Variants in SDHC observed in about 807,000 individuals in gnomAD.
The protein encoded by SDHC is succinate dehydrogenase cytochrome b560 subunit, mitochondrial.
A neutral mutation model predicts 22.6 loss-of-function variants in SDHC; 11 were observed. The ratio of observed to expected loss-of-function variants is 0.49; its 90% CI spans 0.31 to 0.81. The LOEUF is 0.81. Ranked by LOEUF, SDHC falls within the 30% of genes least tolerant of loss-of-function variation. The pLI, the probability that SDHC is intolerant of heterozygous loss-of-function variation, is 0.05. For synonymous variants in SDHC, 80 were observed against 77.8 expected, an observed-to-expected ratio of 1.03 and a Z score of -0.15; for missense variants, 160 against 212.0, an observed-to-expected ratio of 0.75 and a Z score of 1.52.
intron 4 of SDHC, among the ~76,000 whole-genome samples, chr1:161,353,067 T>A (rs888218348): frequency 1.3e-5 from 2 of 152,244 alleles, no homozygotes. Context: ...AGAGGCAGTC[T>A]TCTCTTTTTG....
intron 1 of SDHC, among the ~76,000 whole-genome samples, chr1:161,316,187 A>G (rs1387261758): frequency 2.0e-5 from 3 of 151,824 alleles, no homozygotes; most frequent in Non-Finnish European, 4.4e-5. Flanking sequence ...AACTGCAAAG[A>G]GGCGTTCCTT....
chr1:161,333,400 A>C (rs75100310), intron 3 of SDHC, among the ~76,000 whole-genome samples: 11,262 of 140,180 alleles, frequency 0.08, 475 homozygotes, highest in East Asian at 0.17. Context: ...TCTATGTTTA[A>C]CTTTTTTTTT....
intron 3 of SDHC, among the ~76,000 whole-genome samples, chr1:161,336,777 G>T (rs2102326669): frequency 6.6e-6 from 1 of 152,280 alleles, no homozygotes; most frequent in South Asian, 2.1e-4. Flanking sequence ...GAAGTAAATG[G>T]TTAGTGATGT....
intron 1 of SDHC, 99 bp downstream of exon 1, chr1:161,314,524 AG>A: frequency 6.8e-7 from 1 of 1,463,780 alleles, no homozygotes; most frequent in Non-Finnish European, 9.5e-7. Context: ...GTGCCTGGGC[AG>A]GGAAAGGACC....
At chr1:161,348,149 C>T (rs1287889348) in intron 4 of SDHC, among the ~76,000 whole-genome samples, 2 of 151,968 alleles carry the variant, frequency 1.3e-5, no homozygotes, top group South Asian at 2.1e-4. Flanking sequence ...AGAAACTTGA[C>T]AATTTTTGTT....
intron 4 of SDHC, among the ~76,000 whole-genome samples, chr1:161,348,422 G>A (rs1034818605): frequency 2.0e-5 from 3 of 151,620 alleles, no homozygotes; most frequent in Admixed American, 1.3e-4. Flanking sequence ...GCCTCCCAAA[G>A]TACTGGGATT....
At chr1:161,315,144 T>C (rs140504724) in intron 1 of SDHC, among the ~76,000 whole-genome samples, 106 of 152,372 alleles carry the variant, frequency 7.0e-4, no homozygotes, top group African/African-American at 2.5e-3. Flanking sequence ...TCAGCCTCTC[T>C]AGTCACAGCG....
At chr1:161,329,486 C>A (rs1671193509) in intron 3 of SDHC, among the ~76,000 whole-genome samples, 1 of 152,074 alleles carries the variant, frequency 6.6e-6, no homozygotes, top group South Asian at 2.1e-4. Context: ...CATGAACCTC[C>A]ATGCCCGGCT....
chr1:161,359,183 A>G (rs895244061), intron 5 of SDHC, among the ~76,000 whole-genome samples: 3 of 151,400 alleles, frequency 2.0e-5, no homozygotes, highest in African/African-American at 4.8e-5. Flanking sequence ...TTCTTTCTGT[A>G]TTTTCATTAC....
intron 3 of SDHC, among the ~76,000 whole-genome samples, chr1:161,335,655 G>A (rs1377534024): frequency 6.6e-6 from 1 of 152,064 alleles, no homozygotes; most frequent in African/African-American, 2.4e-5. Context: ...TCTTCAAAAT[G>A]ACTCCTGTGA....
chr1:161,329,164 C>T (rs1671181871), intron 3 of SDHC, among the ~76,000 whole-genome samples: 1 of 152,078 alleles, frequency 6.6e-6, no homozygotes, highest in Non-Finnish European at 1.5e-5. Context: ...CCTCGGCCTC[C>T]CAAAGTGCTG....
chr1:161,347,886 G>A (rs979574693), intron 4 of SDHC, among the ~76,000 whole-genome samples: 2 of 151,824 alleles, frequency 1.3e-5, no homozygotes, highest in Non-Finnish European at 2.9e-5. Context: ...AAAGAATGAT[G>A]TTTATGGGAG....
chr1:161,340,408 G>A (rs575330904), intron 3 of SDHC, among the ~76,000 whole-genome samples, 186 bp from the exon 4 acceptor site: 5 of 151,770 alleles, frequency 3.3e-5, no homozygotes, highest in Admixed American at 2.6e-4. Context: ...CCCGGGAAGT[G>A]GAGGTTGCAG....
Position 161,348,548 on chromosome 1 carries a change from C to T in SDHC, c.241+7893C>T, listed in dbSNP as rs527918457. On this transcript the variant is annotated intron_variant, in intron 4 of 5. Transcript: ENST00000367975. Reference sequence around the variant, plus strand: ...AGATTAAAATACTCAGGGCTGGGTGCGGTAGCTCATGGCTGTAATCCCAGC... The same window carrying T: ...AGATTAAAATACTCAGGGCTGGGTGTGGTAGCTCATGGCTGTAATCCCAGC... Among the ~76,000 whole-genome samples, 8 of 149,406 alleles carry T rather than the reference C, an allele frequency of 5.4e-5. No individual in the cohort carries two copies. The East Asian group carries it at 1.2e-3, about 23-fold the overall frequency.
At chr1:161,323,099 C>T (rs986005615) in intron 1 of SDHC, among the ~76,000 whole-genome samples, 1 of 151,948 alleles carries the variant, frequency 6.6e-6, no homozygotes, top group Non-Finnish European at 1.5e-5. Flanking sequence ...CCCAGGTTCA[C>T]GCCATTCTCT....
At position 161,362,572 on chromosome 1, in the gene SDHC, A is replaced by G. The variant is rs1672565208; in HGVS notation, c.*139A>G. The G allele has an allele frequency of 6.2e-7, 1 of 1,608,610 alleles. No individual in the cohort carries two copies. The highest frequency in any genetic ancestry group is 1.3e-5 in the African/African-American group (1 of 74,834). ...TTGTATTTTCAGATCTCCTTGGAGC[A>G]GTAGAGTACCTGGTAGACCATAATA... is the stretch of plus-strand genomic sequence containing the variant. On this transcript the variant is annotated 3_prime_UTR_variant, in exon 6 of 6. Transcript: ENST00000367975.
At chr1:161,342,499 C>A (rs1169579689) in intron 4 of SDHC, among the ~76,000 whole-genome samples, 7 of 151,046 alleles carry the variant, frequency 4.6e-5, no homozygotes, top group Admixed American at 3.3e-4. Flanking sequence ...TGGATAGTTC[C>A]CTGGTATGTC....
chr1:161,341,474 G>C (rs1330378477), intron 4 of SDHC, among the ~76,000 whole-genome samples: 5 of 152,140 alleles, frequency 3.3e-5, no homozygotes, highest in African/African-American at 1.2e-4. Context: ...TCCTTTTTAG[G>C]TAGGAAGGTT....
intron 4 of SDHC, among the ~76,000 whole-genome samples, chr1:161,340,885 C>G (rs2102336919): frequency 6.6e-6 from 1 of 152,188 alleles, no homozygotes. Flanking sequence ...GCTCTTTTGC[C>G]CAGGCTGGAG....
Sources: gnomAD v4.1 joint callset for allele counts (sites outside exome capture counted in the v4.1 genomes callset) on GRCh38, gnomAD v4.1.1 for gene constraint, MANE v1.5 for transcripts, NCBI Gene and HGNC (gene_info 2026-07-23, HGNC 2026-07-21) for gene names.